The following PARD3B variants were observed in gnomAD, a reference collection of about 807,000 sequenced individuals.
The protein encoded by PARD3B is par-3 family cell polarity regulator beta, also known as partitioning defective 3 homolog B.
Under a neutral mutation model 130.2 loss-of-function variants are expected in PARD3B, and 103 were observed. The observed-to-expected ratio is 0.79, with a 90% CI of 0.67 to 0.93. The LOEUF (loss-of-function observed/expected upper bound fraction) is 0.93, where lower values mean the gene tolerates loss of function less well. PARD3B is among the 40% of genes least tolerant of loss of function. PARD3B has a pLI of 0.00. For missense variants in PARD3B, 1,609 were observed against 1,499.2 expected (o/e 1.07, Z -1.21); for synonymous variants, 583 against 553.2 (o/e 1.05, Z -0.76).
intron 2 of PARD3B, among the ~76,000 whole-genome samples, chr2:204,805,479 C>T (rs1381802997): frequency 6.6e-6 from 1 of 152,034 alleles, no homozygotes; most frequent in African/African-American, 2.4e-5. Flanking sequence ...CTGAATTTCA[C>T]CAAACATTTA....
At chr2:205,055,400 G>C (rs190980045) in intron 4 of PARD3B, among the ~76,000 whole-genome samples, 4 of 152,116 alleles carry the variant, frequency 2.6e-5, no homozygotes, top group African/African-American at 4.8e-5. Flanking sequence ...GAACATTTAC[G>C]ACGTGTTTCT....
At chr2:204,824,747 A>T (rs1048668469) in intron 2 of PARD3B, among the ~76,000 whole-genome samples, 1 of 152,280 alleles carries the variant, frequency 6.6e-6, no homozygotes, top group South Asian at 2.1e-4. Context: ...AATTTTGTAA[A>T]TATATTTCTA....
chr2:205,093,504 G>C (rs568019935), intron 4 of PARD3B, among the ~76,000 whole-genome samples: 9 of 152,248 alleles, frequency 5.9e-5, no homozygotes, highest in Non-Finnish European at 8.8e-5. Context: ...GGAAAAAGTG[G>C]CTCATACTGA....
Position 205,583,400 on chromosome 2 carries a change from T to TGTGC in PARD3B, c.3260+29998_3260+29999insTGCG, listed in dbSNP as rs1192785640. On this transcript the variant is annotated intron_variant, in intron 22 of 22. Coordinates refer to ENST00000406610, the MANE Select transcript of PARD3B (RefSeq NM_001302769.2). ...CTCTGTGTGTGTGTGTGTGTGTGTG[T>TGTGC]GCGCGCGCACGCGCGTGTGAGAGAG... is the stretch of plus-strand genomic sequence containing the variant. Among the ~76,000 whole-genome samples, 179 of 133,984 alleles carry TGTGC rather than the reference T, an allele frequency of 1.3e-3. 1 individual carries two copies. The highest frequency in any genetic ancestry group is 0.013 in the South Asian group (57 of 4,382). The allele number at this position is 133,984 out of a possible 152,430, so 87.9% of individuals were successfully genotyped here. A position where few individuals can be genotyped will look rare whatever the true frequency, so the allele number is the denominator to read the frequency against.
At chr2:205,428,139 T>C (rs1320525651) in intron 19 of PARD3B, among the ~76,000 whole-genome samples, 1 of 151,920 alleles carries the variant, frequency 6.6e-6, no homozygotes, top group East Asian at 1.9e-4. Flanking sequence ...TCCCAGCACT[T>C]TGGGAGGCCA....
chr2:205,083,207 C>A (rs1387174163), intron 4 of PARD3B, among the ~76,000 whole-genome samples: 4 of 152,036 alleles, frequency 2.6e-5, no homozygotes, highest in African/African-American at 9.7e-5. Context: ...GCGTGAGCTA[C>A]TGTGCCCAGC....
intron 21 of PARD3B, among the ~76,000 whole-genome samples, chr2:205,502,726 T>G (rs1174826817): frequency 1.3e-5 from 2 of 152,050 alleles, no homozygotes; most frequent in Non-Finnish European, 2.9e-5. Context: ...AATGAAAGTA[T>G]GCTCACTGAA....
chr2:205,124,272 T>G, intron 8 of PARD3B, 55 bp from the exon 9 acceptor site: 5 of 1,340,574 alleles, frequency 3.7e-6, no homozygotes, highest in Non-Finnish European at 5.0e-6. Context: ...TAAGACTGAA[T>G]ATAATATTAC....
At chr2:205,417,805 T>G (rs1156976369) in intron 19 of PARD3B, among the ~76,000 whole-genome samples, 1 of 152,220 alleles carries the variant, frequency 6.6e-6, no homozygotes, top group Non-Finnish European at 1.5e-5. Context: ...ATTTAGCAGT[T>G]GTAGGCACCC....
At chr2:205,501,287 T>C (rs1045396229) in intron 21 of PARD3B, among the ~76,000 whole-genome samples, 5 of 152,170 alleles carry the variant, frequency 3.3e-5, no homozygotes, top group Non-Finnish European at 5.9e-5. Flanking sequence ...GGCTTCAGCC[T>C]CTTTGGAGAG....
intron 15 of PARD3B, among the ~76,000 whole-genome samples, chr2:205,238,582 A>G (rs1449856371): frequency 6.6e-6 from 1 of 151,994 alleles, no homozygotes; most frequent in African/African-American, 2.4e-5. Context: ...CTGTAATCCC[A>G]GCACTTTGGG....
chr2:205,360,265 G>T (rs1313750074), intron 18 of PARD3B, among the ~76,000 whole-genome samples: 3 of 151,434 alleles, frequency 2.0e-5, no homozygotes, highest in Non-Finnish European at 4.4e-5. Flanking sequence ...TTTTTCTTTT[G>T]TTTTTTTCCT....
intron 21 of PARD3B, among the ~76,000 whole-genome samples, chr2:205,501,016 A>G (rs1408458650): frequency 6.6e-6 from 1 of 152,032 alleles, no homozygotes; most frequent in Non-Finnish European, 1.5e-5. Context: ...CCTGAGTTTC[A>G]CACTCAGGTT....
intron 1 of PARD3B, among the ~76,000 whole-genome samples, chr2:204,596,140 AG>A (rs2033279721): frequency 6.6e-6 from 1 of 152,206 alleles, no homozygotes; most frequent in Non-Finnish European, 1.5e-5. Context: ...CGTGAGATAA[AG>A]GAATATAATG....
chr2:205,212,883 A>G (rs10490300), intron 15 of PARD3B, among the ~76,000 whole-genome samples: 9,868 of 152,262 alleles, frequency 0.065, 441 homozygotes, highest in East Asian at 0.23. Flanking sequence ...AAAGAGGAAA[A>G]GCATTAGTAG....
At chr2:205,488,343 G>C (rs746204665) in intron 20 of PARD3B, among the ~76,000 whole-genome samples, 5 of 152,050 alleles carry the variant, frequency 3.3e-5, no homozygotes, top group Non-Finnish European at 5.9e-5. Context: ...CCTTGCATGC[G>C]TGGTTCACCA....
intron 11 of PARD3B, among the ~76,000 whole-genome samples, chr2:205,169,057 T>C (rs13417480): frequency 0.17 from 25,907 of 152,178 alleles, 2,348 homozygotes; most frequent in Middle Eastern, 0.23. Context: ...AGAGGTTGGA[T>C]GAGATGACCT....
chr2:205,343,472 C>T (rs1309926772), intron 18 of PARD3B, among the ~76,000 whole-genome samples: 1 of 152,208 alleles, frequency 6.6e-6, no homozygotes, highest in African/African-American at 2.4e-5. Context: ...GCTTCAAACA[C>T]GTAACTTCAG....
At chr2:205,117,611 G>A (rs1370909300) in intron 6 of PARD3B, among the ~76,000 whole-genome samples, 1 of 152,092 alleles carries the variant, frequency 6.6e-6, no homozygotes, top group Non-Finnish European at 1.5e-5. Context: ...GTTTTATTTA[G>A]GTTTGAAATT....
Sources: allele counts gnomAD v4.1 joint callset (sites outside exome capture counted in the v4.1 genomes callset), GRCh38; gene constraint gnomAD v4.1.1; transcripts MANE v1.5; gene names NCBI Gene and HGNC (gene_info 2026-07-23, HGNC 2026-07-21).